Variants in CLDN10 observed in about 807,000 individuals in gnomAD.
The protein encoded by CLDN10 is claudin-10.
Under a neutral mutation model 22.9 loss-of-function variants are expected in CLDN10, and 15 were observed. The observed-to-expected ratio is 0.65, with a 90% CI of 0.44 to 1.01. The LOEUF is 1.01. Among genes scored for constraint, CLDN10 ranks in the 50% least tolerant of loss-of-function variants. The probability of loss-of-function intolerance (pLI) is 0.00; values close to 1 mark genes in which losing one functional copy is unlikely to be tolerated. For synonymous variants in CLDN10, 114 were observed against 111.4 expected, an observed-to-expected ratio of 1.02 and a Z score of -0.15; for missense variants, 247 against 287.8, an observed-to-expected ratio of 0.86 and a Z score of 1.03.
At chr13:95,484,433 T>G (rs1344190043) in intron 1 of CLDN10, among the ~76,000 whole-genome samples, 1 of 152,158 alleles carries the variant, frequency 6.6e-6, no homozygotes, top group Non-Finnish European at 1.5e-5. Context: ...TAAAGGAAAA[T>G]ATTGGTAAAA....
chr13:95,570,040 C>CA (rs1225771105), intron 3 of CLDN10, among the ~76,000 whole-genome samples: 2 of 152,210 alleles, frequency 1.3e-5, no homozygotes, highest in African/African-American at 4.8e-5. Context: ...TCTTTTGCTG[C>CA]AAGTCCATCT....
At chr13:95,440,385 G>C (rs1415999116) in intron 1 of CLDN10, among the ~76,000 whole-genome samples, 1 of 152,154 alleles carries the variant, frequency 6.6e-6, no homozygotes, top group Non-Finnish European at 1.5e-5. Context: ...TTATTTAAAA[G>C]TATACAGAGA....
At chr13:95,470,398 C>T (rs2042618340) in intron 1 of CLDN10, among the ~76,000 whole-genome samples, 1 of 152,144 alleles carries the variant, frequency 6.6e-6, no homozygotes, top group Non-Finnish European at 1.5e-5. Flanking sequence ...TAGGTGCGCA[C>T]CATCATGGCT....
At chr13:95,435,318 C>T (rs993792451) in intron 1 of CLDN10, among the ~76,000 whole-genome samples, 7 of 152,084 alleles carry the variant, frequency 4.6e-5, no homozygotes, top group Non-Finnish European at 1.0e-4. Context: ...AAAACTGTAC[C>T]TTGGCCCCAG....
chr13:95,472,742 C>T (rs933646043), intron 1 of CLDN10, among the ~76,000 whole-genome samples: 7 of 151,388 alleles, frequency 4.6e-5, no homozygotes, highest in Non-Finnish European at 7.4e-5. Context: ...CAAAAGGGAG[C>T]TGATTCCCGT....
At chr13:95,442,319 T>A (rs2042331855) in intron 1 of CLDN10, among the ~76,000 whole-genome samples, 1 of 152,200 alleles carries the variant, frequency 6.6e-6, no homozygotes, top group African/African-American at 2.4e-5. Flanking sequence ...ACCCATTTGT[T>A]TCCAACCAGG....
intron 1 of CLDN10, among the ~76,000 whole-genome samples, chr13:95,513,466 T>C (rs138511710): frequency 2.6e-3 from 396 of 152,342 alleles, no homozygotes; most frequent in African/African-American, 9.4e-3. Flanking sequence ...CATGTCATAT[T>C]GTATGACACC....
intron 1 of CLDN10, among the ~76,000 whole-genome samples, chr13:95,486,818 G>T (rs1272654340): frequency 6.6e-6 from 1 of 152,152 alleles, no homozygotes; most frequent in African/African-American, 2.4e-5. Flanking sequence ...GAGCTCTTTG[G>T]GGAGGCAGAA....
intron 1 of CLDN10, among the ~76,000 whole-genome samples, chr13:95,534,522 T>A (rs1460646442): frequency 1.3e-5 from 2 of 152,162 alleles, no homozygotes; most frequent in Non-Finnish European, 2.9e-5. Context: ...TAACTTTTTA[T>A]ATCAAACCGT....
intron 1 of CLDN10, among the ~76,000 whole-genome samples, chr13:95,442,847 A>G (rs367727196): frequency 7.2e-5 from 11 of 152,336 alleles, no homozygotes; most frequent in Admixed American, 3.9e-4. Flanking sequence ...TAATAATACG[A>G]ATCAACTCAT....
chr13:95,441,991 A>T (rs1028058773), intron 1 of CLDN10, among the ~76,000 whole-genome samples: 5 of 152,142 alleles, frequency 3.3e-5, no homozygotes, highest in African/African-American at 9.7e-5. Flanking sequence ...TCTCTACAAA[A>T]AGTACAAAAA....
intron 1 of CLDN10, among the ~76,000 whole-genome samples, chr13:95,471,440 C>CACACACATAT (rs746573300): frequency 8.6e-5 from 9 of 104,380 alleles, no homozygotes; most frequent in African/African-American, 2.0e-4. Context: ...CACACACACA[C>CACACACATAT]ATATATATAT....
intron 1 of CLDN10, among the ~76,000 whole-genome samples, chr13:95,522,419 A>G (rs529329009): frequency 1.3e-5 from 2 of 152,000 alleles, no homozygotes; most frequent in African/African-American, 4.8e-5. Flanking sequence ...TTTCTATTAC[A>G]TTTTTCTTAT....
chr13:95,565,383 C>T (rs2043772385), intron 3 of CLDN10, among the ~76,000 whole-genome samples: 1 of 152,142 alleles, frequency 6.6e-6, no homozygotes, highest in Admixed American at 6.5e-5. Context: ...GGAAGTAGAA[C>T]AGAATTGTTG....
chr13:95,533,180 T>G (rs898602051), intron 1 of CLDN10, among the ~76,000 whole-genome samples: 14 of 149,726 alleles, frequency 9.4e-5, no homozygotes, highest in African/African-American at 3.4e-4. Context: ...TAGGAGAAAT[T>G]GTACTGAGGC....
At chr13:95,483,460 T>A (rs1326213940) in intron 1 of CLDN10, among the ~76,000 whole-genome samples, 1 of 152,184 alleles carries the variant, frequency 6.6e-6, no homozygotes, top group Non-Finnish European at 1.5e-5. Flanking sequence ...CCTCCTGCTT[T>A]GGCCTCCCAA....
chr13:95,468,507 C>A (rs2042600244), intron 1 of CLDN10, among the ~76,000 whole-genome samples: 1 of 152,162 alleles, frequency 6.6e-6, no homozygotes, highest in African/African-American at 2.4e-5. Flanking sequence ...GGGCAGATTG[C>A]TTGAGGTCAC....
rs201643063 is a variant in CLDN10 at position 95,540,498 on chromosome 13, C to CA, written c.215-19625dup. 1.8e-3 allele frequency among the ~76,000 whole-genome samples: 267 copies of CA among 148,452 alleles called. 3 individuals carry two copies. Among genetic ancestry groups the CA allele is most frequent in the African/African-American group, 6.2e-3 (250 of 40,396 alleles). Reference sequence around the variant, plus strand: ...AGCAGAGCAGAGACAGACTCTGTCTCAAAAAAAAAGCTTACTTTTAAGAAC... The same window carrying CA: ...AGCAGAGCAGAGACAGACTCTGTCTCAAAAAAAAAAGCTTACTTTTAAGAAC... On this transcript the variant is annotated intron_variant, in intron 1 of 4. Coordinates refer to the CLDN10 transcript ENST00000376873.
intron 1 of CLDN10, among the ~76,000 whole-genome samples, chr13:95,535,755 T>G (rs2043394039): frequency 6.6e-6 from 1 of 151,708 alleles, no homozygotes; most frequent in East Asian, 1.9e-4. Context: ...TGAAAAGGGG[T>G]AAGTGCCAAG....
Sources: gnomAD v4.1 joint callset for allele counts (sites outside exome capture counted in the v4.1 genomes callset) on GRCh38, gnomAD v4.1.1 for gene constraint, MANE v1.5 for transcripts, NCBI Gene and HGNC (gene_info 2026-07-23, HGNC 2026-07-21) for gene names.